LEPR: variants seen among roughly 807,000 people sequenced by gnomAD.
LEPR encodes leptin receptor.
A neutral mutation model predicts 114.7 loss-of-function variants in LEPR; 56 were observed. The observed-to-expected ratio is 0.49, with a 90% CI of 0.39 to 0.61. LEPR has a LOEUF of 0.61. LEPR is among the 20% of genes least tolerant of loss of function. The probability of loss-of-function intolerance (pLI) is 0.00; values close to 1 mark genes in which losing one functional copy is unlikely to be tolerated. For synonymous variants in LEPR, 443 were observed against 461.4 expected (o/e 0.96, Z 0.51); for missense variants, 1,202 against 1,352.9 (o/e 0.89, Z 1.75).
chr1:65,583,162 G>T (rs1655102595), intron 5 of LEPR, among the ~76,000 whole-genome samples: 3 of 152,166 alleles, frequency 2.0e-5, no homozygotes, highest in Non-Finnish European at 4.4e-5. Flanking sequence ...AAAATTCCCA[G>T]AACATGGCAC....
chr1:65,613,659 A>G (rs1357169136), intron 14 of LEPR, among the ~76,000 whole-genome samples: 2 of 115,558 alleles, frequency 1.7e-5, no homozygotes, highest in African/African-American at 6.1e-5. Context: ...AGGCTGAGGC[A>G]GGAGAATGGC....
intron 19 of LEPR, chr1:65,634,973 G>A: frequency 2.5e-6 from 2 of 815,716 alleles, no homozygotes; most frequent in South Asian, 1.1e-4. Flanking sequence ...TCATTATGCA[G>A]TATTTTAATA....
At chr1:65,466,900 A>G (rs188237586) in intron 2 of LEPR, among the ~76,000 whole-genome samples, 4 of 152,132 alleles carry the variant, frequency 2.6e-5, no homozygotes, top group Admixed American at 1.3e-4. Flanking sequence ...TCTTCTCTAC[A>G]TTGTTTATTC....
chr1:65,550,304 G>A (rs1004285779), intron 2 of LEPR, among the ~76,000 whole-genome samples: 19 of 152,168 alleles, frequency 1.2e-4, no homozygotes, highest in African/African-American at 4.3e-4. Context: ...CCGTTCTCAG[G>A]TCTCCAGCTG....
At chr1:65,632,582 A>G (rs775028133) in intron 19 of LEPR, among the ~76,000 whole-genome samples, 2 of 152,112 alleles carry the variant, frequency 1.3e-5, no homozygotes, top group African/African-American at 4.8e-5. Flanking sequence ...CTCTACTCTA[A>G]TTAGCCATGT....
chr1:65,634,708 A>G (rs1658653522), intron 19 of LEPR: 1 of 953,998 alleles, frequency 1.0e-6, no homozygotes, highest in Non-Finnish European at 1.2e-6. Context: ...GTTTTTTTGT[A>G]TGTATTCCTT....
At position 65,636,981 on chromosome 1, in the gene LEPR, T is replaced by C; in HGVS notation, c.3464T>C (p.Ile1155Thr). 7 of 1,613,622 alleles carry C rather than the reference T, an allele frequency of 4.3e-6. No individual in the cohort carries two copies. The highest frequency in any genetic ancestry group is 1.7e-5 in the Admixed American group (1 of 59,926). ...FQTCSTQTHKIMENKMCDLTV is the reference protein window; with the variant it reads ...FQTCSTQTHKTMENKMCDLTV ...ACTTGTTCTACTCAGACTCATAAGATCATGGAAAACAAGATGTGTGACCTA... is the reference window on the plus strand; with the variant it reads ...ACTTGTTCTACTCAGACTCATAAGACCATGGAAAACAAGATGTGTGACCTA... Residue 1155 changes from isoleucine to threonine, a missense_variant, in exon 20 of 20, where the codon ATC becomes ACC. Coordinates refer to ENST00000349533, the MANE Select transcript of LEPR (RefSeq NM_002303.6).
chr1:65,615,803 A>G lies in LEPR; in HGVS notation c.1996-205A>G, dbSNP rs777927028. On this transcript the variant is annotated intron_variant, in intron 14 of 19. Transcript: ENST00000349533. ...GGGGAAAATAAGTTTGCTATGCTCC[A>G]TAACGATCCAGACACCTTCATGGAG... is the stretch of plus-strand genomic sequence containing the variant. Among the ~76,000 whole-genome samples the G allele has an allele frequency of 3.9e-5, 6 of 152,328 alleles. No individual in the cohort carries two copies. In the South Asian group the frequency reaches 8.3e-4, roughly 21 times the overall value.
chr1:65,496,196 T>C (rs918074685), intron 2 of LEPR, among the ~76,000 whole-genome samples: 1 of 152,028 alleles, frequency 6.6e-6, no homozygotes, highest in Non-Finnish European at 1.5e-5. Context: ...TGTCAATCAA[T>C]TTTTTTTAAA....
intron 1 of LEPR, among the ~76,000 whole-genome samples, chr1:65,423,500 C>T (rs773670236): frequency 1.3e-5 from 2 of 151,902 alleles, no homozygotes; most frequent in African/African-American, 2.4e-5. Flanking sequence ...GGGGTACTGC[C>T]GATGGTCAGG....
chr1:65,597,301 G>T (rs184499239), intron 7 of LEPR, among the ~76,000 whole-genome samples: 103 of 152,190 alleles, frequency 6.8e-4, no homozygotes, highest in African/African-American at 2.4e-3. Context: ...CTATTGTGAT[G>T]ATTCCAAATA....
intron 2 of LEPR, among the ~76,000 whole-genome samples, chr1:65,526,723 T>G (rs866271963): frequency 6.6e-6 from 1 of 152,180 alleles, no homozygotes; most frequent in East Asian, 1.9e-4. Flanking sequence ...TGGGCCTCAG[T>G]TTCCTCATTT....
At chr1:65,527,557 T>C (rs1007362420) in intron 2 of LEPR, among the ~76,000 whole-genome samples, 6 of 152,348 alleles carry the variant, frequency 3.9e-5, no homozygotes, top group African/African-American at 1.4e-4. Context: ...ATTTGAAACT[T>C]AGTTATCACT....
At chr1:65,484,264 C>A (rs558297384) in intron 2 of LEPR, among the ~76,000 whole-genome samples, 1 of 152,202 alleles carries the variant, frequency 6.6e-6, no homozygotes, top group Admixed American at 6.6e-5. Flanking sequence ...TTTGTGTAAT[C>A]AGGGGACATG....
intron 2 of LEPR, among the ~76,000 whole-genome samples, chr1:65,472,106 T>C (rs1647091353): frequency 6.6e-6 from 1 of 152,166 alleles, no homozygotes; most frequent in Non-Finnish European, 1.5e-5. Flanking sequence ...ATAAATACTA[T>C]GAAATTTGGT....
At position 65,421,345 on chromosome 1, in the gene LEPR, G is replaced by T. The variant is rs1646245949; in HGVS notation, c.-97+605G>T. The T allele has an allele frequency of 3.3e-6, 5 of 1,535,742 alleles. No individual in the cohort carries two copies. In the African/African-American group the frequency reaches 5.5e-5, roughly 17 times the overall value. On this transcript the variant is annotated intron_variant, in intron 1 of 19. Transcript: ENST00000349533. ...ATGGACAGAGAAGAAACCAGTGTGT[G>T]TGTAGTATGTGTTTTTTGCATGGGG...
intron 7 of LEPR, among the ~76,000 whole-genome samples, chr1:65,597,708 T>C (rs1047082189): frequency 6.6e-6 from 1 of 152,182 alleles, no homozygotes; most frequent in Non-Finnish European, 1.5e-5. Context: ...TTTGGCACTT[T>C]ACTTTGTGAA....
intron 2 of LEPR, among the ~76,000 whole-genome samples, chr1:65,518,677 A>G (rs1429073153): frequency 6.6e-6 from 1 of 152,160 alleles, no homozygotes; most frequent in Non-Finnish European, 1.5e-5. Flanking sequence ...CTCCTCAGCT[A>G]TATGCCCAAC....
intron 2 of LEPR, chr1:65,430,043 G>T (rs1646456411): frequency 6.4e-7 from 1 of 1,553,694 alleles, no homozygotes; most frequent in South Asian, 1.2e-5. Context: ...TGCTCGTGTG[G>T]CTGTGGTAAG....
Sources: allele counts gnomAD v4.1 joint callset (sites outside exome capture counted in the v4.1 genomes callset), GRCh38; gene constraint gnomAD v4.1.1; transcripts MANE v1.5; gene names NCBI Gene and HGNC (gene_info 2026-07-23, HGNC 2026-07-21).